SEMA3C: variants seen among roughly 807,000 people sequenced by gnomAD.
SEMA3C encodes the protein semaphorin 3C, also known as semaphorin-3C.
In SEMA3C, 47 loss-of-function variants were observed where a neutral mutation model predicts 89.4. The observed-to-expected ratio is 0.53, with a 90% CI of 0.42 to 0.67. The LOEUF (loss-of-function observed/expected upper bound fraction) is 0.67, where lower values mean the gene tolerates loss of function less well. Ranked by LOEUF, SEMA3C falls within the 30% of genes least tolerant of loss-of-function variation. The pLI is 0.00. For synonymous variants in SEMA3C, 310 were observed against 320.2 expected (o/e 0.97, Z 0.34); for missense variants, 839 against 929.1 (o/e 0.90, Z 1.26).
chr7:80,903,088 C>G (rs1791922527), intron 2 of SEMA3C, among the ~76,000 whole-genome samples: 1 of 152,178 alleles, frequency 6.6e-6, no homozygotes, highest in Admixed American at 6.5e-5. Flanking sequence ...TTCATTCTTT[C>G]ACTTTCAAGT....
intron 2 of SEMA3C, among the ~76,000 whole-genome samples, chr7:80,854,336 G>A (rs1057452041): frequency 1.3e-5 from 2 of 152,154 alleles, no homozygotes; most frequent in Non-Finnish European, 1.5e-5. Flanking sequence ...AGGAAAAGGG[G>A]AGGCTCGCTG....
At position 80,745,141 on chromosome 7, in the gene SEMA3C, A is replaced by G; in HGVS notation, c.2009T>C (p.Val670Ala). ...KVLDSEMVAV[V>A]TDKWSPWTWA... ...GGTCCATGGGGACCATTTGTCCGTC[A>G]CAACAGCCACCATTTCTGAATCTAA... Residue 670 changes from valine (V) to alanine (A), a missense_variant, in exon 18 of 18, where the codon GTG becomes GCG. Transcript: ENST00000265361. 1.2e-6 allele frequency: 2 copies of G among 1,614,042 alleles called. No individual in the cohort carries two copies. The highest frequency in any genetic ancestry group is 1.7e-6 in the Non-Finnish European group (2 of 1,179,986).
At chr7:80,768,987 A>G (rs1484296024) in intron 12 of SEMA3C, among the ~76,000 whole-genome samples, 5 of 152,238 alleles carry the variant, frequency 3.3e-5, no homozygotes, top group African/African-American at 1.2e-4. Context: ...TCCCTGCTGC[A>G]GTTTGTAAGA....
At chr7:80,799,342 T>C (rs1789142513) in intron 10 of SEMA3C, among the ~76,000 whole-genome samples, 1 of 152,152 alleles carries the variant, frequency 6.6e-6, no homozygotes, top group Admixed American at 6.5e-5. Context: ...GATTGTCTAA[T>C]CAAAGGGACC....
chr7:80,767,164 G>A (rs747081996), intron 12 of SEMA3C, among the ~76,000 whole-genome samples: 16 of 152,046 alleles, frequency 1.1e-4, no homozygotes, highest in African/African-American at 2.7e-4. Context: ...CTCTCACTCC[G>A]CCTTAGGCCC....
In SEMA3C at chr7:80,780,952, TA is replaced by T. The variant is rs555640864; in HGVS notation, c.1354+8353del. Among the ~76,000 whole-genome samples, 178 of 152,218 alleles carry T rather than the reference TA, an allele frequency of 1.2e-3. 1 individual carries two copies. Among genetic ancestry groups the T allele is most frequent in the African/African-American group, 4.1e-3 (171 of 41,538 alleles). On this transcript the variant is annotated intron_variant, in intron 12 of 17. Coordinates refer to ENST00000265361, the MANE Select transcript of SEMA3C (RefSeq NM_006379.5). The stretch of plus-strand genomic sequence containing the variant: ...AACTCCATCACAGGTCTCACTGCAC[TA>T]AAAAAAGATTTTGAGAGGGTTCCTT...
chr7:80,758,231 T>C (rs1788107213), intron 15 of SEMA3C, 100 bp downstream of exon 15: 2 of 1,318,754 alleles, frequency 1.5e-6, no homozygotes. Context: ...TTTAATGTCA[T>C]TTAAGGAAAC....
intron 12 of SEMA3C, among the ~76,000 whole-genome samples, chr7:80,776,889 T>A (rs1788561095): frequency 6.6e-6 from 1 of 152,118 alleles, no homozygotes; most frequent in African/African-American, 2.4e-5. Flanking sequence ...TTATTTCTAG[T>A]GAACAGAACA....
intron 4 of SEMA3C, among the ~76,000 whole-genome samples, chr7:80,821,685 AC>A (rs1200182752): frequency 1.3e-5 from 2 of 150,914 alleles, no homozygotes; most frequent in Non-Finnish European, 3.0e-5. Flanking sequence ...AGTTTTTGTA[AC>A]ATTTATTAAT....
At chr7:80,806,355 G>T (rs564840322) in intron 6 of SEMA3C, among the ~76,000 whole-genome samples, 8 of 152,162 alleles carry the variant, frequency 5.3e-5, no homozygotes, top group South Asian at 4.1e-4. Context: ...TTATTATTAT[G>T]ACATGACAAG....
chr7:80,794,697 G>A (rs922174804), intron 11 of SEMA3C, among the ~76,000 whole-genome samples: 13 of 152,154 alleles, frequency 8.5e-5, no homozygotes, highest in African/African-American at 3.1e-4. Flanking sequence ...GCTTTAACAG[G>A]ATATACAACT....
Position 80,851,326 on chromosome 7 carries a change from G to A in SEMA3C, c.104-22581C>T, listed in dbSNP as rs534665142. ...TCGAGACCAGCCTGACCAACATGGT[G>A]AAACCCCATCTCTACTAAAAATACA... On this transcript the variant is annotated intron_variant, in intron 2 of 17. Transcript: ENST00000265361. 4.0e-5 allele frequency among the ~76,000 whole-genome samples: 6 copies of A among 151,818 alleles called. No homozygotes were observed. The South Asian group carries it at 6.3e-4, about 16-fold the overall frequency.
chr7:80,886,346 G>C (rs1054866112), intron 2 of SEMA3C, among the ~76,000 whole-genome samples: 1 of 151,394 alleles, frequency 6.6e-6, no homozygotes, highest in Admixed American at 6.6e-5. Flanking sequence ...TGTACAACTG[G>C]AAATTAAACT....
upstream of SEMA3C, among the ~76,000 whole-genome samples, chr7:80,919,644 A>C (rs1363873678): frequency 6.6e-6 from 1 of 151,290 alleles, no homozygotes; most frequent in Non-Finnish European, 1.5e-5. Flanking sequence ...AGTGCAGTGC[A>C]GTGGTGTGAT....
intron 2 of SEMA3C, among the ~76,000 whole-genome samples, chr7:80,896,630 T>G (rs1353952735): frequency 1.3e-5 from 2 of 152,198 alleles, no homozygotes; most frequent in Non-Finnish European, 2.9e-5. Context: ...ATAGGCTGTT[T>G]AGCTCTAATA....
Position 80,761,654 on chromosome 7 carries a change from G to T in SEMA3C, c.1447C>A (p.His483Asn). ...ILEELEVFKN[H>N]APITTMKISS... ...ATTTTCATTGTTGTTATAGGAGCAT[G>T]ATTCTAAAATATTAGAAAACAACAT... Residue 483 changes from histidine (H) to asparagine (N), a missense_variant, in exon 14 of 18, where the codon CAT becomes AAT. By Grantham distance (68) the His-to-Asn change is moderately conservative (BLOSUM62 1). Transcript: ENST00000265361. The T allele has an allele frequency of 2.3e-6, 3 of 1,332,152 alleles. No homozygotes were observed. In the South Asian group the frequency reaches 4.1e-5, roughly 18 times the overall value. The allele number at this position is 1,332,152 out of a possible 1,614,324, so 82.5% of individuals were successfully genotyped here. A position where few individuals can be genotyped will look rare whatever the true frequency, so the allele number is the denominator to read the frequency against.
intron 15 of SEMA3C, among the ~76,000 whole-genome samples, chr7:80,753,151 C>T (rs919099298): frequency 7.9e-5 from 12 of 152,100 alleles, no homozygotes; most frequent in South Asian, 4.1e-4. Flanking sequence ...TCCAAAGTCA[C>T]GTGACCCGTA....
At chr7:80,836,503 C>T (rs1029642455) in intron 2 of SEMA3C, among the ~76,000 whole-genome samples, 1 of 152,022 alleles carries the variant, frequency 6.6e-6, no homozygotes, top group African/African-American at 2.4e-5. Context: ...CATGGTGAAA[C>T]CCCATCTCTA....
chr7:80,863,226 A>G (rs867702192), intron 2 of SEMA3C, among the ~76,000 whole-genome samples: 12 of 144,496 alleles, frequency 8.3e-5, no homozygotes, highest in African/African-American at 3.0e-4. Flanking sequence ...GCGAGACTCC[A>G]TCTTAAAAAA....
Sources: allele counts gnomAD v4.1 joint callset (sites outside exome capture counted in the v4.1 genomes callset), GRCh38; gene constraint gnomAD v4.1.1; transcripts MANE v1.5; gene names NCBI Gene and HGNC (gene_info 2026-07-23, HGNC 2026-07-21).